Variants in ROBO2 observed in about 807,000 individuals in gnomAD.
ROBO2 encodes the protein roundabout homolog 2.
Under a neutral mutation model 160.8 loss-of-function variants are expected in ROBO2, and 53 were observed. The ratio of observed to expected loss-of-function variants is 0.33; its 90% CI spans 0.26 to 0.41. The LOEUF is 0.41. Among genes scored for constraint, ROBO2 ranks in the 10% least tolerant of loss-of-function variants. The pLI is 1.00. For synonymous variants in ROBO2, 664 were observed against 611.7 expected, an observed-to-expected ratio of 1.09 and a Z score of -1.26; for missense variants, 1,577 against 1,722.4, an observed-to-expected ratio of 0.92 and a Z score of 1.49.
chr3:76,125,552 G>A (rs1449207693), intron 2 of ROBO2, among the ~76,000 whole-genome samples: 12 of 151,866 alleles, frequency 7.9e-5, no homozygotes, highest in East Asian at 1.9e-4. Context: ...ACTGGTCTGC[G>A]GTGTTATCTC....
chr3:76,822,006 A>C (rs2109146474), intron 2 of ROBO2, among the ~76,000 whole-genome samples: 1 of 152,090 alleles, frequency 6.6e-6, no homozygotes, highest in South Asian at 2.1e-4. Context: ...ATGTTTCCAA[A>C]TTAGACATCC....
chr3:77,641,064 T>C (rs766203513), intron 24 of ROBO2, among the ~76,000 whole-genome samples: 4 of 152,216 alleles, frequency 2.6e-5, no homozygotes, highest in Non-Finnish European at 5.9e-5. Flanking sequence ...TCAAATGAAA[T>C]AATTAATTTG....
intron 2 of ROBO2, among the ~76,000 whole-genome samples, chr3:76,146,322 TTTAA>T (rs1339304155): frequency 2.0e-5 from 3 of 152,176 alleles, no homozygotes; most frequent in Non-Finnish European, 2.9e-5. Flanking sequence ...GGCTATTTTA[TTTAA>T]TTGTTTCTCC....
At chr3:76,601,246 C>A (rs926593025) in intron 2 of ROBO2, among the ~76,000 whole-genome samples, 1 of 152,150 alleles carries the variant, frequency 6.6e-6, no homozygotes, top group Non-Finnish European at 1.5e-5. Flanking sequence ...ATGGTGCAAG[C>A]TCTAAGTGGA....
At chr3:75,943,720 G>C (rs1948153971) in intron 2 of ROBO2, among the ~76,000 whole-genome samples, 1 of 151,606 alleles carries the variant, frequency 6.6e-6, no homozygotes, top group Non-Finnish European at 1.5e-5. Context: ...TTGTTTTTTT[G>C]AGACAGAGTC....
intron 5 of ROBO2, among the ~76,000 whole-genome samples, chr3:77,511,159 A>G (rs2089339516): frequency 6.6e-6 from 1 of 152,020 alleles, no homozygotes; most frequent in African/African-American, 2.4e-5. Context: ...GATGAACAAA[A>G]ACAACGAGCT....
chr3:76,681,717 T>C (rs2092567285), intron 2 of ROBO2, among the ~76,000 whole-genome samples: 1 of 151,852 alleles, frequency 6.6e-6, no homozygotes, highest in Admixed American at 6.7e-5. Context: ...AGGGTCAGTG[T>C]GGCTGGAAAG....
In ROBO2 at chr3:77,296,362, A is replaced by T. The variant is rs138009118; in HGVS notation, c.389-181052A>T. On this transcript the variant is annotated intron_variant, in intron 2 of 25. Transcript: ENST00000461745. Reference sequence around the variant, plus strand: ...TCACCCCAGACATAAAGTAAAATTGACGGTTAAACGGGTACACTGAGGCTA... The same window carrying T: ...TCACCCCAGACATAAAGTAAAATTGTCGGTTAAACGGGTACACTGAGGCTA... 2.4e-3 allele frequency among the ~76,000 whole-genome samples: 370 copies of T among 152,256 alleles called. 1 individual carries two copies. The highest frequency in any genetic ancestry group is 8.7e-3 in the African/African-American group (360 of 41,544).
rs373629301 is a variant in ROBO2 at position 77,101,838 on chromosome 3, G to A, written c.388+3498G>A. Among the ~76,000 whole-genome samples the A allele has an allele frequency of 5.3e-5, 8 of 152,266 alleles. No individual in the cohort carries two copies. In the East Asian group the frequency reaches 9.7e-4, roughly 18 times the overall value. On this transcript the variant is annotated intron_variant, in intron 2 of 25. Transcript: ENST00000461745. ...GTGGATCACTTGAGGCCAGGAGTTT[G>A]AGACCAGCCTGGGCAACATGGTGAA...
chr3:77,046,033 T>A (rs1030603549), intron 1 of ROBO2, among the ~76,000 whole-genome samples: 3 of 152,194 alleles, frequency 2.0e-5, no homozygotes, highest in African/African-American at 7.2e-5. Context: ...GTTATTTCCA[T>A]TTTTGGCTAT....
At chr3:77,644,745 C>T in exon 25 of ROBO2, 12 of 1,614,010 alleles carry the variant, frequency 7.4e-6, no homozygotes, top group Non-Finnish European at 1.0e-5. Context: ...TTTCCCATCT[C>T]CAGGTGGCCA....
At chr3:76,773,559 TA>T (rs1225441438) in intron 2 of ROBO2, among the ~76,000 whole-genome samples, 1 of 137,224 alleles carries the variant, frequency 7.3e-6, no homozygotes, top group Non-Finnish European at 1.5e-5. Flanking sequence ...TTAAGGGTCT[TA>T]TTTTTTTACA....
chr3:77,132,964 C>A (rs143923767), intron 2 of ROBO2, among the ~76,000 whole-genome samples: 1,873 of 152,188 alleles, frequency 0.012, 24 homozygotes, highest in Non-Finnish European at 0.019. Context: ...TTTATGGTTG[C>A]TCCATATGAA....
chr3:77,219,926 G>T (rs769456787), intron 2 of ROBO2, among the ~76,000 whole-genome samples: 12 of 151,480 alleles, frequency 7.9e-5, no homozygotes, highest in Non-Finnish European at 1.2e-4. Context: ...TGGAAACAAT[G>T]ACATATCCAA....
intron 2 of ROBO2, among the ~76,000 whole-genome samples, chr3:76,771,169 G>A (rs1037063718): frequency 3.3e-5 from 5 of 151,122 alleles, no homozygotes; most frequent in African/African-American, 9.7e-5. Flanking sequence ...AATTTGAGAT[G>A]TGCTATTAGT....
upstream of ROBO2, among the ~76,000 whole-genome samples, chr3:77,037,417 G>A (rs1400150738): frequency 6.6e-6 from 1 of 152,088 alleles, no homozygotes; most frequent in Non-Finnish European, 1.5e-5. Context: ...TAAAATCACT[G>A]GCTTGCTTTG....
intron 2 of ROBO2, among the ~76,000 whole-genome samples, chr3:76,880,588 T>G (rs185391314): frequency 1.8e-3 from 271 of 152,232 alleles, no homozygotes; most frequent in African/African-American, 6.2e-3. Flanking sequence ...AAATTTGAAT[T>G]TTTTGGAGGC....
At chr3:77,040,791 T>C (rs2149609892) in exon 1 of ROBO2, 1 of 1,614,032 alleles carries the variant, frequency 6.2e-7, no homozygotes, top group Non-Finnish European at 8.5e-7. Flanking sequence ...TCAAAATGAG[T>C]CTGCTGATGT....
At chr3:76,671,655 A>T (rs552190186) in intron 2 of ROBO2, among the ~76,000 whole-genome samples, 1 of 152,306 alleles carries the variant, frequency 6.6e-6, no homozygotes, top group Non-Finnish European at 1.5e-5. Context: ...GCTAACAGTC[A>T]TACAAGATTT....
Sources: gnomAD v4.1 joint callset for allele counts (sites outside exome capture counted in the v4.1 genomes callset) on GRCh38, gnomAD v4.1.1 for gene constraint, MANE v1.5 for transcripts, NCBI Gene and HGNC (gene_info 2026-07-23, HGNC 2026-07-21) for gene names.